HBS1L: variants seen among roughly 807,000 people sequenced by gnomAD.
HBS1L encodes HBS1-like protein.
In HBS1L, 55 loss-of-function variants were observed where a neutral mutation model predicts 88.9. The ratio of observed to expected loss-of-function variants is 0.62; its 90% CI spans 0.50 to 0.77. The LOEUF is 0.77. HBS1L is among the 30% of genes least tolerant of loss of function. The probability of loss-of-function intolerance (pLI) is 0.00; values close to 1 mark genes in which losing one functional copy is unlikely to be tolerated. For missense variants in HBS1L, 741 were observed against 829.3 expected, an observed-to-expected ratio of 0.89 and a Z score of 1.31; for synonymous variants, 267 against 288.5, an observed-to-expected ratio of 0.93 and a Z score of 0.76.
intron 1 of HBS1L, among the ~76,000 whole-genome samples, chr6:135,053,200 T>A (rs1267605510): frequency 6.6e-6 from 1 of 152,196 alleles, no homozygotes; most frequent in Non-Finnish European, 1.5e-5. Flanking sequence ...CCTGCTTAAA[T>A]TCCCCCCAAT....
chr6:135,052,541 G>A (rs1226706677), intron 1 of HBS1L, among the ~76,000 whole-genome samples: 1 of 148,668 alleles, frequency 6.7e-6, no homozygotes, highest in East Asian at 2.0e-4. Flanking sequence ...CACTGCACTC[G>A]CACTCCAGCT....
chr6:134,976,195 GCCACAATGGGATA>G (rs1277948441), intron 15 of HBS1L, among the ~76,000 whole-genome samples: 1 of 152,030 alleles, frequency 6.6e-6, no homozygotes, highest in Non-Finnish European at 1.5e-5. Flanking sequence ...ACAAATCAAA[GCCACAATGGGATA>G]CCACCTTACT....
At chr6:135,038,629 A>G (rs7769858) in intron 4 of HBS1L, among the ~76,000 whole-genome samples, 5,426 of 152,298 alleles carry the variant, frequency 0.036, 337 homozygotes, top group African/African-American at 0.12. Flanking sequence ...CAGAGGTTAC[A>G]ACAAACACTG....
chr6:135,016,033 C>G (rs1775912217), intron 4 of HBS1L, among the ~76,000 whole-genome samples: 1 of 151,946 alleles, frequency 6.6e-6, no homozygotes, highest in African/African-American at 2.4e-5. Flanking sequence ...ATTACAAGTG[C>G]CTGCCACCAT....
chr6:134,973,831 A>G (rs1774564128), intron 15 of HBS1L, among the ~76,000 whole-genome samples: 1 of 147,408 alleles, frequency 6.8e-6, no homozygotes. Context: ...GCGAGACTCC[A>G]TCTCAAGAAA....
chr6:135,014,346 G>A (rs1289491255), intron 4 of HBS1L, among the ~76,000 whole-genome samples: 1 of 152,132 alleles, frequency 6.6e-6, no homozygotes, highest in Non-Finnish European at 1.5e-5. Context: ...ATACGATCTT[G>A]GATCTTCAGA....
At chr6:135,005,960 G>T (rs551465871) in intron 4 of HBS1L, among the ~76,000 whole-genome samples, 1 of 152,114 alleles carries the variant, frequency 6.6e-6, no homozygotes, top group South Asian at 2.1e-4. Flanking sequence ...AGAATAAGTT[G>T]AACATTTAAA....
In HBS1L at chr6:134,963,269, A is replaced by G. The variant is rs1261355848; in HGVS notation, c.*2010T>C. ...ATATCCTAGGGAAGTATTAATAAATAAAATTCAATCATAGTCAATGATGAG... is the reference window on the plus strand; with the variant it reads ...ATATCCTAGGGAAGTATTAATAAATGAAATTCAATCATAGTCAATGATGAG... On this transcript the variant is annotated 3_prime_UTR_variant, in exon 18 of 18. Coordinates refer to ENST00000367837, the MANE Select transcript of HBS1L (RefSeq NM_006620.4). 1 of 152,238 alleles carries G rather than the reference A, an allele frequency of 6.6e-6. No individual in the cohort carries two copies. The highest frequency in any genetic ancestry group is 1.5e-5 in the Non-Finnish European group (1 of 68,036). The allele number at this position is 152,238 out of a possible 1,614,324, so 9.4% of individuals were successfully genotyped here.
intron 4 of HBS1L, among the ~76,000 whole-genome samples, chr6:135,029,732 T>C (rs1380562619): frequency 6.6e-6 from 1 of 152,130 alleles, no homozygotes; most frequent in Admixed American, 6.5e-5. Context: ...ACACTTAAAA[T>C]GTTCATCAAT....
At chr6:135,047,413 T>C (rs73774558) in intron 2 of HBS1L, among the ~76,000 whole-genome samples, 5,564 of 152,200 alleles carry the variant, frequency 0.037, 352 homozygotes, top group African/African-American at 0.13. Context: ...CTGTAAATTT[T>C]CTCTTGAATG....
intron 8 of HBS1L, among the ~76,000 whole-genome samples, chr6:134,990,941 C>T (rs1013170113): frequency 2.0e-5 from 3 of 152,034 alleles, no homozygotes; most frequent in Non-Finnish European, 2.9e-5. Context: ...GTGTTTGTCT[C>T]GCCCATTAAA....
chr6:134,991,539 T>C (rs1261826566), intron 8 of HBS1L, among the ~76,000 whole-genome samples: 1 of 152,222 alleles, frequency 6.6e-6, no homozygotes, highest in African/African-American at 2.4e-5. Context: ...GTTATAAAGA[T>C]TATATTAAAC....
At chr6:135,012,344 C>T (rs1480569627) in intron 4 of HBS1L, among the ~76,000 whole-genome samples, 1 of 152,124 alleles carries the variant, frequency 6.6e-6, no homozygotes, top group Non-Finnish European at 1.5e-5. Flanking sequence ...TTAAAAAGTG[C>T]ATGCTTTTTA....
intron 2 of HBS1L, among the ~76,000 whole-genome samples, chr6:135,049,980 ATG>A (rs1453605387): frequency 4.6e-5 from 7 of 152,404 alleles, no homozygotes; most frequent in African/African-American, 1.7e-4. Context: ...ATCAGGATTA[ATG>A]ACTCAGCCTT....
intron 8 of HBS1L, among the ~76,000 whole-genome samples, chr6:134,990,718 T>A (rs145286053): frequency 1.7e-3 from 257 of 152,250 alleles, no homozygotes; most frequent in Middle Eastern, 6.8e-3. Flanking sequence ...ACTCAGCTAA[T>A]TTTTTGTATT....
chr6:134,978,620 T>C (rs1774720800), intron 15 of HBS1L, 59 bp downstream of exon 15: 9 of 912,820 alleles, frequency 9.9e-6, no homozygotes, highest in African/African-American at 6.7e-5. Flanking sequence ...TTACCACTTT[T>C]AGGATAAAGT....
chr6:135,035,773 AAAAAAAAAAAAAAAAAAGC>A (rs1776524963), intron 4 of HBS1L: 3 of 129,464 alleles, frequency 2.3e-5, no homozygotes, highest in African/African-American at 9.2e-5. Context: ...AAAAAAAAAA[AAAAAAAAAAAAAAAAAAGC>A]AGCAGCAGCA....
intron 4 of HBS1L, among the ~76,000 whole-genome samples, chr6:135,006,062 T>C (rs1000896420): frequency 1.3e-5 from 2 of 152,212 alleles, no homozygotes; most frequent in Non-Finnish European, 2.9e-5. Context: ...TGTGTGACTT[T>C]TTCTAGCAAT....
intron 15 of HBS1L, among the ~76,000 whole-genome samples, chr6:134,971,297 A>G (rs1242727082): frequency 1.3e-5 from 2 of 152,220 alleles, no homozygotes; most frequent in East Asian, 1.9e-4. Flanking sequence ...CAAAGGATTC[A>G]GGTCTTAACC....
Sources: allele counts gnomAD v4.1 joint callset (sites outside exome capture counted in the v4.1 genomes callset), GRCh38; gene constraint gnomAD v4.1.1; transcripts MANE v1.5; gene names NCBI Gene and HGNC (gene_info 2026-07-23, HGNC 2026-07-21).